The following SMC6 variants were observed in gnomAD, a reference collection of about 807,000 sequenced individuals.
The protein encoded by SMC6 is structural maintenance of chromosomes protein 6.
A neutral mutation model predicts 142.2 loss-of-function variants in SMC6; 79 were observed. The ratio of observed to expected loss-of-function variants is 0.56; its 90% confidence interval spans 0.46 to 0.67. The LOEUF is 0.67. SMC6 is among the 30% of genes least tolerant of loss of function. The probability of loss-of-function intolerance (pLI) is 0.00; values close to 1 mark genes in which losing one functional copy is unlikely to be tolerated. For synonymous variants in SMC6, 411 were observed against 412.4 expected (o/e 1.00, Z 0.04); for missense variants, 1,072 against 1,284.0 (o/e 0.83, Z 2.52).
intron 3 of SMC6, 84 bp from the exon 4 acceptor site, chr2:17,741,813 T>C (rs1572360429): frequency 3.7e-6 from 3 of 810,294 alleles, no homozygotes; most frequent in African/African-American, 3.5e-5. Context: ...TCAGAAAGAC[T>C]AGCACCATCA....
Position 17,700,383 on chromosome 2 carries a change from T to C in SMC6, c.2224-5A>G, listed in dbSNP as rs950981835. The C allele has an allele frequency of 1.3e-6, 2 of 1,589,758 alleles. No homozygotes were observed. Among genetic ancestry groups the C allele is most frequent in the South Asian group, 1.2e-5 (1 of 86,570 alleles). On this transcript the variant is annotated splice_region_variant and splice_polypyrimidine_tract_variant and intron_variant, in intron 20 of 27. Coordinates refer to ENST00000448223, the MANE Select transcript of SMC6 (RefSeq NM_001142286.2). ...ATTTTCCTGAGCTTCATCTTCCTGA[T>C]AAAATTTAAACAGCATATAAGGTTA...
chr2:17,667,043 T>C (rs1313863436), intron 26 of SMC6, among the ~76,000 whole-genome samples: 1 of 152,196 alleles, frequency 6.6e-6, no homozygotes, highest in Non-Finnish European at 1.5e-5. Context: ...TTCAGGTAAT[T>C]TCTATAGTCA....
At chr2:17,666,321 G>T in intron 27 of SMC6, 99 bp downstream of exon 27, 2 of 796,328 alleles carry the variant, frequency 2.5e-6, no homozygotes, top group South Asian at 1.9e-5. Flanking sequence ...TATTTTCATT[G>T]GTCTTGTATG....
chr2:17,729,318 T>A lies in SMC6; in HGVS notation c.543+1760A>T, dbSNP rs77555273. ...CATTTTAAACAATGAACCTGAATCTTTTGTTATGCATTAAGTAAACCATGC... is the reference window on the plus strand; with the variant it reads ...CATTTTAAACAATGAACCTGAATCTATTGTTATGCATTAAGTAAACCATGC... On this transcript the variant is annotated intron_variant, in intron 7 of 27. Transcript: ENST00000448223. Among the ~76,000 whole-genome samples, 483 of 152,304 alleles carry A rather than the reference T, an allele frequency of 3.2e-3. 4 individuals are homozygous for A. Among genetic ancestry groups the A allele is most frequent in the African/African-American group, 0.011 (462 of 41,550 alleles).
chr2:17,715,720 T>A (rs1669050509), intron 15 of SMC6, among the ~76,000 whole-genome samples: 1 of 152,050 alleles, frequency 6.6e-6, no homozygotes, highest in African/African-American at 2.4e-5. Flanking sequence ...AAATAGAAAC[T>A]AAGAAAGAAA....
At chr2:17,718,043 CT>C (rs750060871) in intron 12 of SMC6, 33 bp downstream of exon 12, 1 of 1,576,582 alleles carries the variant, frequency 6.3e-7, no homozygotes, top group South Asian at 1.2e-5. Flanking sequence ...TGCTGTGTGG[CT>C]TTTAAAATTC....
intron 3 of SMC6, among the ~76,000 whole-genome samples, chr2:17,745,302 C>T (rs1351916350): frequency 6.6e-6 from 1 of 152,044 alleles, no homozygotes; most frequent in African/African-American, 2.4e-5. Flanking sequence ...TGGTATAATT[C>T]TCCAGTGAAA....
Position 17,700,721 on chromosome 2 carries a change from T to C in SMC6, c.2224-343A>G, listed in dbSNP as rs76884516. ...GCTAAGTAAACAAACATAAATAAGA[T>C]ATTATCCATATGTTTAAGAAATTTA... On this transcript the variant is annotated intron_variant, in intron 20 of 27. Coordinates refer to ENST00000448223, the MANE Select transcript of SMC6 (RefSeq NM_001142286.2). 4.2e-3 allele frequency among the ~76,000 whole-genome samples: 643 copies of C among 152,200 alleles called. 7 individuals carry two copies. The highest frequency in any genetic ancestry group is 0.014 in the African/African-American group (601 of 41,536).
chr2:17,745,659 T>TAA (rs1558383194), intron 3 of SMC6, among the ~76,000 whole-genome samples, 168 bp downstream of exon 3: 8 of 93,916 alleles, frequency 8.5e-5, no homozygotes, highest in Non-Finnish European at 2.5e-4. Context: ...TCTCTATTAA[T>TAA]TTTTCTAATA....
intron 7 of SMC6, among the ~76,000 whole-genome samples, chr2:17,728,060 C>T (rs1669718408): frequency 6.6e-6 from 1 of 152,172 alleles, no homozygotes; most frequent in African/African-American, 2.4e-5. Context: ...AAAAGCTTCA[C>T]CGAAGTTTAT....
chr2:17,725,566 T>C (rs539544105), intron 8 of SMC6, among the ~76,000 whole-genome samples: 1 of 152,304 alleles, frequency 6.6e-6, no homozygotes, highest in Non-Finnish European at 1.5e-5. Flanking sequence ...CATCCACATG[T>C]TCATTTGCAA....
At chr2:17,690,052 A>C (rs1667632643) in intron 23 of SMC6, among the ~76,000 whole-genome samples, 1 of 152,206 alleles carries the variant, frequency 6.6e-6, no homozygotes, top group East Asian at 1.9e-4. Flanking sequence ...CCAAATGGGA[A>C]AATCCACTAG....
At chr2:17,716,028 T>G in intron 15 of SMC6, 58 bp downstream of exon 15, 1 of 1,333,312 alleles carries the variant, frequency 7.5e-7, no homozygotes, top group Non-Finnish European at 9.9e-7. Flanking sequence ...TCAATCGTTC[T>G]GAAAATAAAA....
chr2:17,707,218 C>A lies in SMC6; in HGVS notation c.2006+1G>T. 6.4e-7 allele frequency: 1 copy of A among 1,572,152 alleles called. No homozygotes were observed. ...ACAGTAAAGCTAAACTTGACTCTAA[C>A]CTTATTTCAGAATCCACATCTCTGC... is the stretch of plus-strand genomic sequence containing the variant. On this transcript the variant is annotated splice_donor_variant, in intron 18 of 27. Transcript: ENST00000448223. LOFTEE classifies it high-confidence loss of function.
chr2:17,677,702 A>C (rs1207037142), intron 25 of SMC6, among the ~76,000 whole-genome samples: 1 of 152,198 alleles, frequency 6.6e-6, no homozygotes, highest in Non-Finnish European at 1.5e-5. Flanking sequence ...CCTATCAATA[A>C]GCACAATTCC....
chr2:17,718,104 A>T lies in SMC6; in HGVS notation c.1065T>A (p.Ala355=). The T allele has an allele frequency of 3.1e-6, 5 of 1,609,778 alleles. No individual in the cohort carries two copies. Among genetic ancestry groups the T allele is most frequent in the Non-Finnish European group, 4.2e-6 (5 of 1,177,758 alleles). ...CAGCTTCATTATAGGCCCTTTTCTT[A>T]GCAACAACATCTGCTTTCAATGCCA... ...ECMALKADVV[A]KKRAYNEAEV... The change falls in exon 12 of 28, where the codon GCT becomes GCA. Residue 355 remains alanine (A), a synonymous_variant. Transcript: ENST00000448223.
chr2:17,690,902 C>T (rs980766259), intron 23 of SMC6, among the ~76,000 whole-genome samples: 6 of 150,806 alleles, frequency 4.0e-5, no homozygotes, highest in Non-Finnish European at 8.8e-5. Context: ...AATGGGAATG[C>T]AAAATTGGTA....
At chr2:17,718,879 T>C (rs1341512666) in intron 11 of SMC6, among the ~76,000 whole-genome samples, 1 of 152,148 alleles carries the variant, frequency 6.6e-6, no homozygotes, top group Non-Finnish European at 1.5e-5. Flanking sequence ...CCTAAGTCTG[T>C]CTCTTATCTC....
At chr2:17,751,898 A>G (rs1174220119) in intron 2 of SMC6, among the ~76,000 whole-genome samples, 2 of 152,250 alleles carry the variant, frequency 1.3e-5, no homozygotes, top group Admixed American at 6.5e-5. Flanking sequence ...ATGACAGTCA[A>G]GATTTAGGTA....
Sources: gnomAD v4.1 joint callset for allele counts (sites outside exome capture counted in the v4.1 genomes callset) on GRCh38, gnomAD v4.1.1 for gene constraint, MANE v1.5 for transcripts, NCBI Gene and HGNC (gene_info 2026-07-23, HGNC 2026-07-21) for gene names.